EYA4: variants seen among roughly 807,000 people sequenced by gnomAD.
EYA4 encodes protein phosphatase EYA4.
EYA4 carries 31 observed loss-of-function variants against 87.9 expected under a neutral mutation model. The observed-to-expected ratio is 0.35, with a 90% CI of 0.27 to 0.48. The LOEUF (loss-of-function observed/expected upper bound fraction) is 0.48. EYA4 is among the 20% of genes least tolerant of loss of function. The pLI is 0.99. For synonymous variants in EYA4, 263 were observed against 270.6 expected, an observed-to-expected ratio of 0.97 and a Z score of 0.28; for missense variants, 678 against 761.4, an observed-to-expected ratio of 0.89 and a Z score of 1.29.
intron 3 of EYA4, among the ~76,000 whole-genome samples, chr6:133,396,606 G>A (rs774602215): frequency 1.3e-5 from 2 of 152,204 alleles, no homozygotes; most frequent in African/African-American, 4.8e-5. Context: ...GTGCTGTTGG[G>A]GTAGTTATTA....
intron 2 of EYA4, among the ~76,000 whole-genome samples, chr6:133,314,278 A>C (rs1780461635): frequency 6.6e-6 from 1 of 152,204 alleles, no homozygotes. Flanking sequence ...TGTTATACAC[A>C]AAAGTTGTTA....
chr6:133,457,864 G>T (rs1184153896), intron 6 of EYA4, among the ~76,000 whole-genome samples: 1 of 152,164 alleles, frequency 6.6e-6, no homozygotes, highest in Admixed American at 6.6e-5. Context: ...ACCTACTTCA[G>T]TAGTATACTA....
chr6:133,437,088 T>C (rs919155183), intron 3 of EYA4, among the ~76,000 whole-genome samples: 3 of 152,230 alleles, frequency 2.0e-5, no homozygotes, highest in African/African-American at 7.2e-5. Context: ...TTTGTGTTTA[T>C]GACTAAGTTC....
intron 2 of EYA4, among the ~76,000 whole-genome samples, chr6:133,380,006 CCTA>C (rs909901703): frequency 3.3e-5 from 5 of 152,156 alleles, no homozygotes; most frequent in Admixed American, 2.6e-4. Flanking sequence ...CACTGAAATA[CCTA>C]CTATTTCCCA....
At chr6:133,422,497 G>A (rs6936392) in intron 3 of EYA4, among the ~76,000 whole-genome samples, 4,318 of 152,014 alleles carry the variant, frequency 0.028, 203 homozygotes, top group African/African-American at 0.098. Context: ...TAATTATATG[G>A]CATAGACTAT....
intron 2 of EYA4, among the ~76,000 whole-genome samples, chr6:133,309,310 G>A (rs1780039295): frequency 1.3e-5 from 2 of 151,968 alleles, no homozygotes; most frequent in Non-Finnish European, 2.9e-5. Context: ...TTGTTTTCAG[G>A]GAACAAATGT....
intron 2 of EYA4, among the ~76,000 whole-genome samples, chr6:133,318,165 A>T (rs982780995): frequency 6.6e-6 from 1 of 152,066 alleles, no homozygotes; most frequent in Non-Finnish European, 1.5e-5. Flanking sequence ...GGGACTTTTT[A>T]TTTTTGCTGA....
chr6:133,293,826 A>C (rs1197048050), intron 2 of EYA4, among the ~76,000 whole-genome samples: 3 of 151,206 alleles, frequency 2.0e-5, no homozygotes, highest in African/African-American at 4.9e-5. Context: ...AGTACCAGCT[A>C]CTTGGGAGGC....
intron 2 of EYA4, among the ~76,000 whole-genome samples, chr6:133,279,129 G>A (rs1479525236): frequency 1.3e-5 from 2 of 152,044 alleles, no homozygotes; most frequent in Non-Finnish European, 2.9e-5. Flanking sequence ...AACATGAGAT[G>A]GAGTCTGGCC....
At chr6:133,243,089 C>CGTGTGTGTGTGTGTGTGTGTGT (rs3065226) in intron 1 of EYA4, among the ~76,000 whole-genome samples, 53 of 145,466 alleles carry the variant, frequency 3.6e-4, no homozygotes, top group South Asian at 9.2e-4. Flanking sequence ...GGAGCAACTT[C>CGTGTGTGTGTGTGTGTGTGTGT]GTGTGTGTGT....
chr6:133,425,308 T>C (rs1388260657), intron 3 of EYA4, among the ~76,000 whole-genome samples: 1 of 150,620 alleles, frequency 6.6e-6, no homozygotes, highest in Non-Finnish European at 1.5e-5. Flanking sequence ...TAGACATGTT[T>C]TGGCAAAATC....
intron 13 of EYA4, among the ~76,000 whole-genome samples, chr6:133,495,307 A>ATACAC (rs1363505680): frequency 1.3e-5 from 2 of 151,240 alleles, no homozygotes; most frequent in Admixed American, 6.6e-5. Context: ...CCATGTGTAT[A>ATACAC]TACACCTACT....
chr6:133,414,356 A>G (rs1789518736), intron 3 of EYA4, among the ~76,000 whole-genome samples: 1 of 152,212 alleles, frequency 6.6e-6, no homozygotes, highest in Non-Finnish European at 1.5e-5. Flanking sequence ...CACACTCCCA[A>G]GGTTTCATGA....
intron 3 of EYA4, among the ~76,000 whole-genome samples, chr6:133,431,163 G>A (rs1231029806): frequency 6.6e-6 from 1 of 152,126 alleles, no homozygotes; most frequent in African/African-American, 2.4e-5. Flanking sequence ...AATCACCTAG[G>A]AGATGAGGTC....
intron 2 of EYA4, among the ~76,000 whole-genome samples, chr6:133,378,618 T>TA (rs1237686427): frequency 2.6e-5 from 4 of 152,162 alleles, no homozygotes; most frequent in Admixed American, 2.6e-4. Flanking sequence ...TTCTCAGTGT[T>TA]ACTATATGGG....
chr6:133,455,604 G>T (rs1165593268), intron 5 of EYA4, among the ~76,000 whole-genome samples: 3 of 151,962 alleles, frequency 2.0e-5, no homozygotes, highest in South Asian at 4.2e-4. Flanking sequence ...TTGTCCTTTG[G>T]CTAGTCTTCA....
intron 3 of EYA4, among the ~76,000 whole-genome samples, chr6:133,392,653 T>C: frequency 6.6e-6 from 1 of 152,240 alleles, no homozygotes; most frequent in South Asian, 2.1e-4. Context: ...AGTGGATACT[T>C]ATTTCTTTTG....
At position 133,377,435 on chromosome 6, in the gene EYA4, G is replaced by A. The variant is rs991429700; in HGVS notation, c.34-4957G>A. 1.1e-4 allele frequency among the ~76,000 whole-genome samples: 16 copies of A among 151,900 alleles called. No individual in the cohort carries two copies. In the East Asian group the frequency reaches 1.7e-3, roughly 17 times the overall value. On this transcript the variant is annotated intron_variant, in intron 2 of 19. Transcript: ENST00000355286. The stretch of plus-strand genomic sequence containing the variant: ...GTGGCTCCTGTGTCAAACTGCTTAC[G>A]TCTAGTTCATCTCTGTGGCTGGAAC...
At chr6:133,338,191 G>A (rs917840226) in intron 2 of EYA4, among the ~76,000 whole-genome samples, 25 of 151,838 alleles carry the variant, frequency 1.6e-4, no homozygotes, top group African/African-American at 6.1e-4. Context: ...TATTTCTACC[G>A]CAAGTAATAG....
Sources: gnomAD v4.1 joint callset for allele counts (sites outside exome capture counted in the v4.1 genomes callset) on GRCh38, gnomAD v4.1.1 for gene constraint, MANE v1.5 for transcripts, NCBI Gene and HGNC (gene_info 2026-07-23, HGNC 2026-07-21) for gene names.